The following TPTE2 variants were observed in gnomAD, a reference collection of about 807,000 sequenced individuals.
TPTE2 encodes transmembrane phosphoinositide 3-phosphatase and tensin homolog 2.
Under a neutral mutation model 78.6 loss-of-function variants are expected in TPTE2, and 53 were observed. The ratio of observed to expected loss-of-function variants is 0.67; its 90% CI spans 0.54 to 0.85. The LOEUF (loss-of-function observed/expected upper bound fraction) is 0.85. TPTE2 is among the 40% of genes least tolerant of loss of function. The probability of loss-of-function intolerance (pLI) is 0.00; values close to 1 mark genes in which losing one functional copy is unlikely to be tolerated. For missense variants in TPTE2, 461 were observed against 623.0 expected, an observed-to-expected ratio of 0.74 and a Z score of 2.77; for synonymous variants, 175 against 206.2, an observed-to-expected ratio of 0.85 and a Z score of 1.30.
chr13:19,497,248 T>G (rs1326912990), intron 1 of TPTE2, among the ~76,000 whole-genome samples: 1 of 144,190 alleles, frequency 6.9e-6, no homozygotes, highest in African/African-American at 2.5e-5. Context: ...TGCCCAGGCT[T>G]GATTAGGTAA....
At chr13:19,557,670 A>C in the TPTE2 span, among the ~76,000 whole-genome samples, 2 of 152,152 alleles carry the variant, frequency 1.3e-5, no homozygotes, top group African/African-American at 4.8e-5. Context: ...TACAGTCCCA[A>C]GTTTTCCTTA....
At chr13:19,492,206 C>T (rs1409654088) in intron 3 of TPTE2, among the ~76,000 whole-genome samples, 2 of 152,144 alleles carry the variant, frequency 1.3e-5, no homozygotes, top group Non-Finnish European at 2.9e-5. Context: ...GTCTCTCCTG[C>T]CCATGAGACA....
chr13:19,425,214 G>A (rs1025730976), intron 18 of TPTE2, among the ~76,000 whole-genome samples, 197 bp from the exon 22 acceptor site: 5 of 152,180 alleles, frequency 3.3e-5, no homozygotes, highest in African/African-American at 7.2e-5. Context: ...GCATTCTCTT[G>A]CTGTTTCTAT....
At chr13:19,483,845 T>C (rs536220832) in intron 3 of TPTE2, among the ~76,000 whole-genome samples, 110 of 152,268 alleles carry the variant, frequency 7.2e-4, no homozygotes, top group African/African-American at 2.6e-3. Flanking sequence ...TTGTTACATA[T>C]GTATACATGT....
At chr13:19,473,377 C>G (rs1879742308) in intron 6 of TPTE2, among the ~76,000 whole-genome samples, 1 of 152,124 alleles carries the variant, frequency 6.6e-6, no homozygotes, top group South Asian at 2.1e-4. Context: ...AAAAGTCTAC[C>G]TAGTGTTTTA....
At chr13:19,449,011 G>T (rs558566833) in intron 13 of TPTE2, among the ~76,000 whole-genome samples, 2 of 152,270 alleles carry the variant, frequency 1.3e-5, no homozygotes, top group South Asian at 2.1e-4. Context: ...AGAACATTAT[G>T]CTAAGTGAAA....
At chr13:19,445,920 G>T (rs1455523247) in intron 13 of TPTE2, among the ~76,000 whole-genome samples, 1 of 152,182 alleles carries the variant, frequency 6.6e-6, no homozygotes, top group African/African-American at 2.4e-5. Context: ...CAGCCTGGGT[G>T]ACAGAGTGAG....
chr13:19,489,302 C>T (rs1050907700), intron 3 of TPTE2, among the ~76,000 whole-genome samples: 1 of 152,020 alleles, frequency 6.6e-6, no homozygotes, highest in African/African-American at 2.4e-5. Flanking sequence ...AATCAGGAGA[C>T]TTGCTCAATG....
At chr13:19,497,768 T>C (rs1881478303) in intron 1 of TPTE2, among the ~76,000 whole-genome samples, 1 of 151,422 alleles carries the variant, frequency 6.6e-6, no homozygotes, top group African/African-American at 2.4e-5. Flanking sequence ...GGAACGCAGT[T>C]CCTCACCAGC....
intron 17 of TPTE2, among the ~76,000 whole-genome samples, chr13:19,429,994 T>C (rs551025069): frequency 3.3e-5 from 5 of 152,258 alleles, no homozygotes; most frequent in Non-Finnish European, 5.9e-5. Context: ...TATAGATTCC[T>C]GGGCCCCATT....
intron 1 of TPTE2, among the ~76,000 whole-genome samples, chr13:19,501,610 A>T (rs1223546362): frequency 3.3e-5 from 5 of 152,092 alleles, no homozygotes; most frequent in Non-Finnish European, 7.4e-5. Context: ...AGTAGAAAGC[A>T]GAAACTGGAT....
chr13:19,554,366 TTC>T, the TPTE2 span, among the ~76,000 whole-genome samples: 1 of 71,490 alleles, frequency 1.4e-5, no homozygotes, highest in African/African-American at 3.3e-5. Context: ...CAGAGCAAGA[TTC>T]TGTCTCAAAA....
chr13:19,516,571 A>C (rs1869806996), intron 1 of TPTE2, among the ~76,000 whole-genome samples: 1 of 152,226 alleles, frequency 6.6e-6, no homozygotes, highest in Non-Finnish European at 1.5e-5. Flanking sequence ...GTAAGCCACC[A>C]ATTTCACTAA....
chr13:19,489,501 A>G (rs1208202453), intron 3 of TPTE2, among the ~76,000 whole-genome samples: 1 of 150,604 alleles, frequency 6.6e-6, no homozygotes, highest in Non-Finnish European at 1.5e-5. Flanking sequence ...ACACATGCTC[A>G]TATATATATT....
intron 1 of TPTE2, among the ~76,000 whole-genome samples, chr13:19,494,466 G>C (rs951000056): frequency 1.3e-5 from 2 of 151,898 alleles, no homozygotes; most frequent in African/African-American, 4.8e-5. Flanking sequence ...GGAATGCAGC[G>C]GCATGTTCTC....
chr13:19,477,193 A>G (rs1880011016), intron 4 of TPTE2, among the ~76,000 whole-genome samples: 1 of 152,030 alleles, frequency 6.6e-6, no homozygotes, highest in South Asian at 2.1e-4. Flanking sequence ...AAGGAAATAG[A>G]CACTGGGGTC....
In TPTE2 at chr13:19,497,217, T is replaced by TG. The variant is rs1257996924; in HGVS notation, c.12-3717dup. On this transcript the variant is annotated intron_variant, in intron 1 of 19. Coordinates refer to ENST00000400230, the Ensembl canonical transcript of TPTE2. ...TCAAACTGCAAGGCGGCAGCGAGGC[T>TG]GGGGGAGGGGCGCCCGACATTGCCC... Among the ~76,000 whole-genome samples, 25 of 148,276 alleles carry TG rather than the reference T, an allele frequency of 1.7e-4. No individual in the cohort carries two copies. In the East Asian group the frequency reaches 4.5e-3, roughly 27 times the overall value.
intron 15 of TPTE2, among the ~76,000 whole-genome samples, chr13:19,435,657 A>C (rs1184005001): frequency 6.6e-6 from 1 of 152,034 alleles, no homozygotes; most frequent in Non-Finnish European, 1.5e-5. Flanking sequence ...GATATGTAAA[A>C]GTGCAATACT....
chr13:19,425,645 G>A lies in TPTE2; in HGVS notation c.1396-628C>T, dbSNP rs1490924851. 1.7e-4 allele frequency: 82 copies of A among 485,602 alleles called. 1 individual carries two copies. The highest frequency in any genetic ancestry group is 7.5e-4 in the Middle Eastern group (1 of 1,326). The allele number at this position is 485,602 out of a possible 1,614,324, so 30.1% of individuals were successfully genotyped here. On this transcript the variant is annotated intron_variant, in intron 18 of 19. Transcript: ENST00000400230. The stretch of plus-strand genomic sequence containing the variant: ...CCTCTCAGTCACAGCAGAGACTCAT[G>A]GCTGCTTGCGTTAAACCAAATTAGA...
Sources: gnomAD v4.1 joint callset for allele counts (sites outside exome capture counted in the v4.1 genomes callset) on GRCh38, gnomAD v4.1.1 for gene constraint, MANE v1.5 for transcripts, NCBI Gene and HGNC (gene_info 2026-07-23, HGNC 2026-07-21) for gene names.